The following SHANK2 variants were observed in gnomAD, a reference collection of about 807,000 sequenced individuals.
SHANK2 encodes the protein SH3 and multiple ankyrin repeat domains protein 2.
SHANK2 carries 43 observed loss-of-function variants against 133.7 expected under a neutral mutation model. That is an observed-to-expected ratio of 0.32 (90% CI 0.25 to 0.41). The LOEUF is 0.41. Ranked by LOEUF, SHANK2 falls within the 10% of genes least tolerant of loss-of-function variation. The pLI, the probability that SHANK2 is intolerant of heterozygous loss-of-function variation, is 1.00. For missense variants in SHANK2, 1,994 were observed against 2,235.8 expected, an observed-to-expected ratio of 0.89 and a Z score of 2.18; for synonymous variants, 1,017 against 952.8, an observed-to-expected ratio of 1.07 and a Z score of -1.24.
intron 17 of SHANK2, among the ~76,000 whole-genome samples, chr11:70,578,217 T>C (rs2060140862): frequency 1.3e-5 from 2 of 151,980 alleles, no homozygotes; most frequent in South Asian, 4.2e-4. Flanking sequence ...CTGTCCAAGG[T>C]AGGACTCGAA....
intron 17 of SHANK2, among the ~76,000 whole-genome samples, chr11:70,573,784 G>A (rs538079697): frequency 6.6e-6 from 1 of 152,272 alleles, no homozygotes; most frequent in Non-Finnish European, 1.5e-5. Context: ...TTCAGCCAAC[G>A]GCCACTTTTA....
chr11:70,734,512 G>A (rs1397498504), intron 14 of SHANK2, among the ~76,000 whole-genome samples: 1 of 152,212 alleles, frequency 6.6e-6, no homozygotes, highest in Non-Finnish European at 1.5e-5. Context: ...CACAGGCAGA[G>A]TCCAGGAGCC....
At chr11:70,626,387 C>G (rs933273859) in intron 17 of SHANK2, among the ~76,000 whole-genome samples, 13 of 152,182 alleles carry the variant, frequency 8.5e-5, no homozygotes, top group African/African-American at 3.1e-4. Flanking sequence ...AGGGAGACAC[C>G]AGGGAAAAAT....
chr11:70,735,038 T>C (rs1010466538), intron 14 of SHANK2, among the ~76,000 whole-genome samples: 1 of 152,138 alleles, frequency 6.6e-6, no homozygotes, highest in Non-Finnish European at 1.5e-5. Context: ...GTCCCGTGTC[T>C]GGGCTCAGGG....
intron 13 of SHANK2, among the ~76,000 whole-genome samples, chr11:70,799,701 C>G (rs1555050079): frequency 6.6e-6 from 1 of 152,138 alleles, no homozygotes; most frequent in African/African-American, 2.4e-5. Context: ...TGACCCTGTC[C>G]TGGGGACCAC....
rs546494280 is a variant in SHANK2, at chr11:70,636,671, G to A, written c.2061+23157C>T. The stretch of plus-strand genomic sequence containing the variant: ...AGCATATGAATATATGTGTGAGCAC[G>A]TGTGAGCATCTGTGTATGTGTAAGC... On this transcript the variant is annotated intron_variant, in intron 17 of 25. Transcript: ENST00000601538. Among the ~76,000 whole-genome samples the A allele has an allele frequency of 3.0e-3, 442 of 147,088 alleles. 1 individual carries two copies. Among genetic ancestry groups the A allele is most frequent in the African/African-American group, 0.01 (420 of 40,384 alleles).
At chr11:71,219,763 T>A (rs1249046972) in intron 2 of SHANK2, among the ~76,000 whole-genome samples, 1 of 151,856 alleles carries the variant, frequency 6.6e-6, no homozygotes, top group African/African-American at 2.4e-5. Context: ...CCAGGCATGG[T>A]GGTGGGTGCC....
At chr11:70,729,900 T>TAAAA (rs549153711) in intron 14 of SHANK2, among the ~76,000 whole-genome samples, 1 of 108,370 alleles carries the variant, frequency 9.2e-6, no homozygotes, top group East Asian at 2.9e-4. Flanking sequence ...AAAGTGTTAC[T>TAAAA]AAAAAAAAAA....
At chr11:70,599,889 A>AAGAAAGAAAGAAAAAGAAAGAAAGAG (rs376412663) in intron 17 of SHANK2, among the ~76,000 whole-genome samples, 2 of 73,628 alleles carry the variant, frequency 2.7e-5, no homozygotes, top group African/African-American at 1.2e-4. Context: ...GAAAGAAAGA[A>AAGAAAGAAAGAAAAAGAAAGAAAGAG]AAAGAAAGAA....
At chr11:70,776,537 C>T (rs1339927308) in intron 14 of SHANK2, among the ~76,000 whole-genome samples, 6 of 152,132 alleles carry the variant, frequency 3.9e-5, no homozygotes, top group African/African-American at 1.4e-4. Context: ...CTCACAAACT[C>T]TATGGTTTTA....
intron 21 of SHANK2, among the ~76,000 whole-genome samples, chr11:70,497,933 AGAGCCTGG>A (rs2058994788): frequency 6.6e-6 from 1 of 152,254 alleles, no homozygotes; most frequent in Admixed American, 6.5e-5. Flanking sequence ...CAATAGGCCC[AGAGCCTGG>A]GAGCCAGCCC....
chr11:70,810,882 T>C (rs1229926125), intron 12 of SHANK2, among the ~76,000 whole-genome samples: 1 of 152,200 alleles, frequency 6.6e-6, no homozygotes, highest in Non-Finnish European at 1.5e-5. Context: ...CACAGGGCTA[T>C]GCCGACATCA....
At chr11:71,191,027 C>T (rs782117487) in intron 2 of SHANK2, among the ~76,000 whole-genome samples, 2 of 152,038 alleles carry the variant, frequency 1.3e-5, no homozygotes, top group Non-Finnish European at 2.9e-5. Context: ...ACCAGAGATA[C>T]CAGGCACAGT....
At chr11:70,780,416 C>G (rs189927453) in intron 14 of SHANK2, among the ~76,000 whole-genome samples, 37 of 152,248 alleles carry the variant, frequency 2.4e-4, no homozygotes, top group African/African-American at 8.4e-4. Context: ...AAAATAGAGG[C>G]CTGGCTCTAA....
chr11:70,733,907 C>T (rs1555032855), intron 14 of SHANK2, among the ~76,000 whole-genome samples: 1 of 152,160 alleles, frequency 6.6e-6, no homozygotes, highest in Non-Finnish European at 1.5e-5. Context: ...CACTTGCTAC[C>T]CCTGGGTGCC....
chr11:71,231,265 A>C (rs1253655323), intron 1 of SHANK2, among the ~76,000 whole-genome samples: 1 of 152,272 alleles, frequency 6.6e-6, no homozygotes, highest in Non-Finnish European at 1.5e-5. Context: ...AAAAGATAGA[A>C]AAAGACATTT....
intron 21 of SHANK2, among the ~76,000 whole-genome samples, chr11:70,493,559 G>A (rs1295150151): frequency 1.3e-5 from 2 of 151,326 alleles, no homozygotes; most frequent in Non-Finnish European, 2.9e-5. Context: ...CAGGCATAAG[G>A]GTGTGTCTAA....
Position 71,076,141 on chromosome 11 carries a change from C to T in SHANK2, c.913-866G>A, listed in dbSNP as rs1021703449. Among the ~76,000 whole-genome samples the T allele has an allele frequency of 4.6e-5, 7 of 152,212 alleles. No individual in the cohort carries two copies. In the East Asian group the frequency reaches 1.4e-3, roughly 30 times the overall value. On this transcript the variant is annotated intron_variant, in intron 8 of 25. Transcript: ENST00000601538. ...CTCACAGGGGCCAGGGAGGTCCCCGCACAGGTGATGAGGGCCCCTCTGTCC... is the reference window on the plus strand; with the variant it reads ...CTCACAGGGGCCAGGGAGGTCCCCGTACAGGTGATGAGGGCCCCTCTGTCC...
chr11:70,837,983 AAAAAAAAAAAAAAAAAAAG>A (rs1474199245), intron 11 of SHANK2, among the ~76,000 whole-genome samples: 2 of 149,130 alleles, frequency 1.3e-5, no homozygotes, highest in East Asian at 3.9e-4. Flanking sequence ...CTCAAAAAAA[AAAAAAAAAAAAAAAAAAAG>A]AAAAAAAAAA....
Sources: allele counts gnomAD v4.1 joint callset (sites outside exome capture counted in the v4.1 genomes callset), GRCh38; gene constraint gnomAD v4.1.1; transcripts MANE v1.5; gene names NCBI Gene and HGNC (gene_info 2026-07-23, HGNC 2026-07-21).